NALF1: variants seen among roughly 807,000 people sequenced by gnomAD.
The protein encoded by NALF1 is NALCN channel auxiliary factor 1.
NALF1 carries 3 observed loss-of-function variants against 48.4 expected under a neutral mutation model. The observed-to-expected ratio is 0.06, with a 90% CI of 0.03 to 0.16. NALF1 has a LOEUF of 0.16. NALF1 is among the 10% of genes least tolerant of loss of function. The pLI, the probability that NALF1 is intolerant of heterozygous loss-of-function variation, is 1.00. For missense variants in NALF1, 526 were observed against 571.5 expected (o/e 0.92, Z 0.81); for synonymous variants, 262 against 245.7 (o/e 1.07, Z -0.62).
intron 1 of NALF1, chr13:107,320,999 A>G: frequency 6.4e-6 from 1 of 156,926 alleles, no homozygotes; most frequent in Non-Finnish European, 1.4e-5. Flanking sequence ...AACATTTATA[A>G]AAAAGAATTT....
intron 1 of NALF1, among the ~76,000 whole-genome samples, chr13:107,475,119 G>T (rs1885158764): frequency 6.6e-6 from 1 of 152,186 alleles, no homozygotes; most frequent in Non-Finnish European, 1.5e-5. Context: ...GAAGAGGCCA[G>T]AAGAGCTGAA....
intron 1 of NALF1, among the ~76,000 whole-genome samples, chr13:107,639,518 A>G (rs1348716717): frequency 6.6e-6 from 1 of 152,112 alleles, no homozygotes; most frequent in Non-Finnish European, 1.5e-5. Context: ...TTTATCTAAA[A>G]CACTTCCCTA....
At chr13:107,656,083 T>C (rs1001626970) in intron 1 of NALF1, among the ~76,000 whole-genome samples, 9 of 151,758 alleles carry the variant, frequency 5.9e-5, no homozygotes, top group Non-Finnish European at 1.3e-4. Context: ...GAAAATCCCT[T>C]CTAGACATTG....
At chr13:107,841,147 A>AT (rs1218089321) in intron 1 of NALF1, among the ~76,000 whole-genome samples, 3 of 152,184 alleles carry the variant, frequency 2.0e-5, no homozygotes, top group Non-Finnish European at 4.4e-5. Context: ...TATACAAGAT[A>AT]TTTTTTAAAA....
intron 1 of NALF1, among the ~76,000 whole-genome samples, chr13:107,733,191 G>A (rs1876364118): frequency 6.6e-6 from 1 of 152,126 alleles, no homozygotes; most frequent in Admixed American, 6.6e-5. Context: ...TAACATTTTA[G>A]CATTTATGCC....
intron 1 of NALF1, among the ~76,000 whole-genome samples, chr13:107,852,358 G>A (rs376629974): frequency 4.3e-4 from 65 of 152,146 alleles, no homozygotes; most frequent in African/African-American, 1.4e-3. Flanking sequence ...TATAATAACA[G>A]CACTCAAATT....
At chr13:107,809,547 G>A (rs569298226) in intron 1 of NALF1, among the ~76,000 whole-genome samples, 3 of 152,204 alleles carry the variant, frequency 2.0e-5, no homozygotes, top group Admixed American at 6.5e-5. Context: ...TGTTCACATA[G>A]GGTGTGCTTC....
intron 1 of NALF1, among the ~76,000 whole-genome samples, chr13:107,468,077 C>A (rs187812807): frequency 3.3e-5 from 5 of 150,244 alleles, no homozygotes; most frequent in Admixed American, 2.0e-4. Flanking sequence ...GTATTAAAAT[C>A]AGCAACTGTC....
intron 1 of NALF1, among the ~76,000 whole-genome samples, chr13:107,766,684 C>A (rs1056666117): frequency 2.0e-5 from 3 of 152,170 alleles, no homozygotes; most frequent in Non-Finnish European, 4.4e-5. Flanking sequence ...CTTAAAGCAA[C>A]ATTCAGACAG....
At chr13:107,858,380 G>C (rs1880489260) in intron 1 of NALF1, among the ~76,000 whole-genome samples, 1 of 152,184 alleles carries the variant, frequency 6.6e-6, no homozygotes, top group Non-Finnish European at 1.5e-5. Flanking sequence ...CAGTGATGAA[G>C]TGACCCTAAT....
chr13:107,739,561 AATAC>A (rs1876570603), intron 1 of NALF1, among the ~76,000 whole-genome samples: 1 of 151,926 alleles, frequency 6.6e-6, no homozygotes, highest in Admixed American at 6.6e-5. Flanking sequence ...TATAGTAACA[AATAC>A]ATACACAATG....
At chr13:107,778,687 G>A (rs1030829398) in intron 1 of NALF1, among the ~76,000 whole-genome samples, 1 of 152,110 alleles carries the variant, frequency 6.6e-6, no homozygotes, top group East Asian at 1.9e-4. Context: ...GTGTGGACAG[G>A]AGATGGAGAC....
chr13:107,749,154 GT>G (rs1876864094), intron 1 of NALF1, among the ~76,000 whole-genome samples: 1 of 151,876 alleles, frequency 6.6e-6, no homozygotes, highest in Non-Finnish European at 1.5e-5. Context: ...GTGTGTGTGT[GT>G]GTGTGTGTGT....
intron 1 of NALF1, among the ~76,000 whole-genome samples, chr13:107,446,969 C>G (rs1160629016): frequency 2.6e-5 from 4 of 152,196 alleles, no homozygotes; most frequent in African/African-American, 7.2e-5. Flanking sequence ...CCATTGTATG[C>G]TTAACACCTA....
chr13:107,299,662 C>T (rs1881800780), intron 1 of NALF1, among the ~76,000 whole-genome samples: 1 of 150,232 alleles, frequency 6.7e-6, no homozygotes, highest in African/African-American at 2.5e-5. Flanking sequence ...TTGAACTCAT[C>T]TGTAAGGAAG....
chr13:107,680,599 T>C (rs111205903), intron 1 of NALF1, among the ~76,000 whole-genome samples: 1 of 54,226 alleles, frequency 1.8e-5, no homozygotes, highest in African/African-American at 4.3e-5. Flanking sequence ...TGTGAGGATG[T>C]ATGTGTGCAC....
intron 1 of NALF1, among the ~76,000 whole-genome samples, chr13:107,240,629 G>A (rs911058678): frequency 3.3e-5 from 5 of 152,106 alleles, no homozygotes; most frequent in Non-Finnish European, 7.3e-5. Context: ...GAAAATACAC[G>A]TGGAGAACCA....
At chr13:107,616,380 G>C (rs1879380850) in intron 1 of NALF1, among the ~76,000 whole-genome samples, 1 of 152,090 alleles carries the variant, frequency 6.6e-6, no homozygotes, top group East Asian at 1.9e-4. Flanking sequence ...ATAATCCAAG[G>C]ACATTTGCCA....
At position 107,164,306 on chromosome 13, in the gene NALF1, T is replaced by C. The variant is rs562522551; in HGVS notation, c.*6191A>G. On this transcript the variant is annotated 3_prime_UTR_variant, in exon 3 of 3. Coordinates refer to ENST00000375915, the MANE Select transcript of NALF1 (RefSeq NM_001080396.3). ...GAGCCCTGCTTAATCTATTTCCATATACTTTATCAAAAACTGAACAGGTTT... is the reference window on the plus strand; with the variant it reads ...GAGCCCTGCTTAATCTATTTCCATACACTTTATCAAAAACTGAACAGGTTT... 1 of 152,354 alleles carries C rather than the reference T, an allele frequency of 6.6e-6. No homozygotes were observed. The highest frequency in any genetic ancestry group is 2.4e-5 in the African/African-American group (1 of 41,580). The allele number at this position is 152,354 out of a possible 1,614,324, so 9.4% of individuals were successfully genotyped here.
Sources: gnomAD v4.1 joint callset for allele counts (sites outside exome capture counted in the v4.1 genomes callset) on GRCh38, gnomAD v4.1.1 for gene constraint, MANE v1.5 for transcripts, NCBI Gene and HGNC (gene_info 2026-07-23, HGNC 2026-07-21) for gene names.